The following DNAH6 variants were observed in gnomAD, a reference collection of about 807,000 sequenced individuals.
DNAH6 encodes dynein axonemal heavy chain 6, also known as axonemal beta dynein heavy chain 6.
DNAH6 carries 340 observed loss-of-function variants against 491.4 expected under a neutral mutation model. The observed-to-expected ratio is 0.69, with a 90% CI of 0.63 to 0.76. The LOEUF is 0.76. Among genes scored for constraint, DNAH6 ranks in the 30% least tolerant of loss-of-function variants. The probability of loss-of-function intolerance (pLI) is 0.00; values close to 1 mark genes in which losing one functional copy is unlikely to be tolerated. For missense variants in DNAH6, 4,443 were observed against 4,972.2 expected (o/e 0.89, Z 3.20); for synonymous variants, 1,603 against 1,686.1 (o/e 0.95, Z 1.21).
rs116034393 is a variant in DNAH6, at chr2:84,765,194, T to C, written c.10703+2249T>C. On this transcript the variant is annotated intron_variant, in intron 64 of 76. Coordinates refer to ENST00000389394, the MANE Select transcript of DNAH6 (RefSeq NM_001370.2). ...TTTTTTTAAAAAGTGTAAAGAAAGG[T>C]AGAGAAATTATATGAAATCCAGAAT... Among the ~76,000 whole-genome samples the C allele has an allele frequency of 3.9e-3, 599 of 152,066 alleles. 3 individuals carry two copies. Among genetic ancestry groups the C allele is most frequent in the African/African-American group, 0.013 (559 of 41,518 alleles).
In DNAH6 at chr2:84,683,333, G is replaced by C. The variant is rs546457834; in HGVS notation, c.6916+1805G>C. Among the ~76,000 whole-genome samples the C allele has an allele frequency of 3.0e-4, 46 of 151,300 alleles. 2 individuals are homozygous for C. The South Asian group carries it at 9.6e-3, about 32-fold the overall frequency. Reference sequence around the variant, plus strand: ...AGTCTCCCCTGATTTTGTATACAAGGACACTAACTCTTAGTTGCTCCATAA... The same window carrying C: ...AGTCTCCCCTGATTTTGTATACAAGCACACTAACTCTTAGTTGCTCCATAA... On this transcript the variant is annotated intron_variant, in intron 42 of 76. Transcript: ENST00000389394.
intron 21 of DNAH6, among the ~76,000 whole-genome samples, chr2:84,611,308 C>T (rs1316198805): frequency 6.6e-6 from 1 of 151,612 alleles, no homozygotes; most frequent in Non-Finnish European, 1.5e-5. Flanking sequence ...ACTTTTTTTT[C>T]GTGGAAATCT....
chr2:84,695,928 A>C (rs1329283485), intron 46 of DNAH6, among the ~76,000 whole-genome samples: 1 of 152,014 alleles, frequency 6.6e-6, no homozygotes, highest in South Asian at 2.1e-4. Flanking sequence ...TGGAAGCCCC[A>C]ATCAATCTCA....
chr2:84,530,250 A>G (rs777234352), intron 4 of DNAH6, among the ~76,000 whole-genome samples: 13 of 152,174 alleles, frequency 8.5e-5, no homozygotes, highest in Admixed American at 3.9e-4. Flanking sequence ...GAGGAAAAAA[A>G]TAGAGGCAAA....
chr2:84,727,870 T>C lies in DNAH6; in HGVS notation c.10174T>C (p.Phe3392Leu). The stretch of plus-strand genomic sequence containing the variant: ...AACCCTATCTGATGCTGAATGGAAT[T>C]TCTTTCTCCGAGGTTCTGCAGGATT... ...QGTLSDAEWNFFLRGSAGLEK... is the reference protein window; with the variant it reads ...QGTLSDAEWNLFLRGSAGLEK... Residue 3392 changes from phenylalanine to leucine, a missense_variant, in exon 61 of 77, where the codon TTC becomes CTC. By Grantham distance (22) the Phe-to-Leu change is conservative (BLOSUM62 0). Transcript: ENST00000389394. 1 of 1,551,872 alleles carries C rather than the reference T, an allele frequency of 6.4e-7. No individual in the cohort carries two copies. Among genetic ancestry groups the C allele is most frequent in the Non-Finnish European group, 8.7e-7 (1 of 1,146,778 alleles).
At chr2:84,535,683 C>CAAAA (rs72518363) in intron 4 of DNAH6, among the ~76,000 whole-genome samples, 1 of 101,436 alleles carries the variant, frequency 9.9e-6, no homozygotes. Context: ...ACCAGAAAAG[C>CAAAA]AAAAAAAAAA....
intron 37 of DNAH6, among the ~76,000 whole-genome samples, chr2:84,668,984 A>C (rs1692456914): frequency 1.3e-5 from 2 of 152,214 alleles, no homozygotes. Context: ...ACTTGTCCTC[A>C]GCATCACAGA....
intron 18 of DNAH6, among the ~76,000 whole-genome samples, chr2:84,599,816 C>A (rs1233955529): frequency 6.6e-6 from 1 of 152,102 alleles, no homozygotes; most frequent in East Asian, 1.9e-4. Context: ...TTTGTTCTTC[C>A]TTTTTACAAT....
At chr2:84,578,659 G>A (rs946014950) in intron 13 of DNAH6, among the ~76,000 whole-genome samples, 12 of 152,144 alleles carry the variant, frequency 7.9e-5, no homozygotes, top group African/African-American at 2.7e-4. Flanking sequence ...CTGAGTACAC[G>A]TCTCTCTCAG....
intron 14 of DNAH6, 34 bp from the exon 15 acceptor site, chr2:84,583,965 C>A (rs774406571): frequency 6.2e-7 from 1 of 1,605,856 alleles, no homozygotes. Context: ...TAGGATTCTG[C>A]TACATTTAAT....
At chr2:84,690,788 C>A (rs1249095274) in intron 45 of DNAH6, among the ~76,000 whole-genome samples, 2 of 152,188 alleles carry the variant, frequency 1.3e-5, no homozygotes, top group Non-Finnish European at 2.9e-5. Context: ...ACACCTAATG[C>A]TGATTAGCAA....
At chr2:84,488,408 AT>A in the DNAH6 span, among the ~76,000 whole-genome samples, 35 of 151,698 alleles carry the variant, frequency 2.3e-4, no homozygotes, top group Non-Finnish European at 4.3e-4. Flanking sequence ...AAATAAAAAA[AT>A]TAAAAAAATT....
rs1685829344 is a variant in DNAH6 at position 84,606,963 on chromosome 2, C to T, written c.3175-13C>T. Reference sequence around the variant, plus strand: ...CTGGGTGCTGCATGTATTTTCTTCCCCTTCCTTTAAAGGTCCTTCTTGATG... The same window carrying T: ...CTGGGTGCTGCATGTATTTTCTTCCTCTTCCTTTAAAGGTCCTTCTTGATG... On this transcript the variant is annotated splice_polypyrimidine_tract_variant and intron_variant, in intron 20 of 76. Transcript: ENST00000389394. 1 of 1,547,236 alleles carries T rather than the reference C, an allele frequency of 6.5e-7. No individual in the cohort carries two copies. Among genetic ancestry groups the T allele is most frequent in the Non-Finnish European group, 8.7e-7 (1 of 1,143,678 alleles).
intron 33 of DNAH6, among the ~76,000 whole-genome samples, chr2:84,643,102 GTCTT>G (rs1179483463): frequency 6.6e-6 from 1 of 152,004 alleles, no homozygotes; most frequent in Non-Finnish European, 1.5e-5. Flanking sequence ...GTCTGAGAAA[GTCTT>G]TATTTCTCCT....
intron 37 of DNAH6, among the ~76,000 whole-genome samples, chr2:84,662,881 G>A (rs989823371): frequency 6.6e-6 from 1 of 152,186 alleles, no homozygotes; most frequent in African/African-American, 2.4e-5. Flanking sequence ...AGCTCATACA[G>A]CTGGGTGCCC....
chr2:84,472,335 A>T, the DNAH6 span, among the ~76,000 whole-genome samples: 4 of 152,142 alleles, frequency 2.6e-5, no homozygotes, highest in Admixed American at 2.0e-4. Context: ...CCATGGCTTT[A>T]CTACACTATC....
At chr2:84,591,990 G>GA (rs1684164848) in intron 16 of DNAH6, among the ~76,000 whole-genome samples, 1 of 152,146 alleles carries the variant, frequency 6.6e-6, no homozygotes, top group African/African-American at 2.4e-5. Context: ...AAAATTCCTA[G>GA]AGGAAAAGGT....
chr2:84,660,403 A>G (rs936454771), intron 37 of DNAH6, among the ~76,000 whole-genome samples: 5 of 152,188 alleles, frequency 3.3e-5, no homozygotes, highest in Non-Finnish European at 7.3e-5. Flanking sequence ...AAAAATATGC[A>G]TGACTATGTA....
intron 42 of DNAH6, among the ~76,000 whole-genome samples, chr2:84,681,984 A>G (rs1369690538): frequency 1.4e-5 from 2 of 138,220 alleles, no homozygotes; most frequent in Non-Finnish European, 3.1e-5. Context: ...AAAAGCCACT[A>G]TCATACCTCC....
Sources: allele counts gnomAD v4.1 joint callset (sites outside exome capture counted in the v4.1 genomes callset), GRCh38; gene constraint gnomAD v4.1.1; transcripts MANE v1.5; gene names NCBI Gene and HGNC (gene_info 2026-07-23, HGNC 2026-07-21).